NBPF3: variants seen among roughly 807,000 people sequenced by gnomAD.
NBPF3 encodes the protein NBPF family member NBPF3.
NBPF3 carries 57 observed loss-of-function variants against 78.1 expected under a neutral mutation model. The observed-to-expected ratio is 0.73, with a 90% confidence interval of 0.59 to 0.91. The LOEUF is 0.91. Among genes scored for constraint, NBPF3 ranks in the 40% least tolerant of loss-of-function variants. The pLI is 0.00. For synonymous variants in NBPF3, 182 were observed against 271.7 expected, an observed-to-expected ratio of 0.67 and a Z score of 3.25; for missense variants, 510 against 715.3, an observed-to-expected ratio of 0.71 and a Z score of 3.27.
chr1:21,451,913 C>T, intron 2 of NBPF3: 1 of 944,636 alleles, frequency 1.1e-6, no homozygotes, highest in Non-Finnish European at 1.3e-6. Flanking sequence ...GATCAAGGTG[C>T]ATACTCAAAC....
chr1:21,439,841 T>C (rs1442242967), upstream of NBPF3, among the ~76,000 whole-genome samples: 4 of 152,272 alleles, frequency 2.6e-5, no homozygotes, highest in East Asian at 3.9e-4. Flanking sequence ...TTCTTTAACC[T>C]GGCAGGGGCG....
rs182965146 is a variant in NBPF3 at position 21,446,902 on chromosome 1, T to C, written c.133+1683T>C. Among the ~76,000 whole-genome samples, 11 of 152,278 alleles carry C rather than the reference T, an allele frequency of 7.2e-5. No individual in the cohort carries two copies. The East Asian group carries it at 2.1e-3, about 29-fold the overall frequency. On this transcript the variant is annotated intron_variant, in intron 2 of 14. Coordinates refer to ENST00000318249, the MANE Select transcript of NBPF3 (RefSeq NM_032264.6). Reference sequence around the variant, plus strand: ...CAGAAACCTGCACTGTCTAGATTGCTGAGGCTGCTTCTCCTTAACCGATCT... The same window carrying C: ...CAGAAACCTGCACTGTCTAGATTGCCGAGGCTGCTTCTCCTTAACCGATCT...
chr1:21,446,586 CCCTT>C (rs1382259950), intron 2 of NBPF3: 1 of 143,504 alleles, frequency 7.0e-6, no homozygotes, highest in Admixed American at 7.0e-5. Context: ...CTCCCTCCCT[CCCTT>C]CTTTCCTTTC....
intron 13 of NBPF3, among the ~76,000 whole-genome samples, chr1:21,482,180 T>A (rs564123160): frequency 6.6e-6 from 1 of 150,516 alleles, no homozygotes; most frequent in Non-Finnish European, 1.5e-5. Flanking sequence ...CTCCTAGAAA[T>A]CGTTTGAGGG....
At chr1:21,448,494 G>A (rs999438725) in intron 2 of NBPF3, among the ~76,000 whole-genome samples, 5 of 152,088 alleles carry the variant, frequency 3.3e-5, no homozygotes, top group Admixed American at 2.6e-4. Context: ...CTATTTGTGT[G>A]TGTTTTCTCT....
At chr1:21,466,170 C>T in intron 2 of NBPF3, 1 of 980,014 alleles carries the variant, frequency 1.0e-6, no homozygotes, top group Non-Finnish European at 1.2e-6. Context: ...AGTGCAGGGG[C>T]AAGTCCAGGT....
At chr1:21,459,074 T>C (rs1198752915) in intron 2 of NBPF3, among the ~76,000 whole-genome samples, 3 of 152,150 alleles carry the variant, frequency 2.0e-5, no homozygotes, top group Admixed American at 6.5e-5. Context: ...AAGCAATTGG[T>C]GAGAAAAATT....
intron 5 of NBPF3, 100 bp downstream of exon 5, chr1:21,471,883 T>C: frequency 6.7e-7 from 1 of 1,501,666 alleles, no homozygotes; most frequent in Non-Finnish European, 9.2e-7. Context: ...TGGTGTTTTT[T>C]CCCACTAAAC....
At chr1:21,466,429 A>C (rs551269748) in intron 2 of NBPF3, among the ~76,000 whole-genome samples, 63 of 152,422 alleles carry the variant, frequency 4.1e-4, no homozygotes, top group African/African-American at 1.4e-3. Context: ...AATCTTCTCC[A>C]TAAAATGCAC....
At chr1:21,447,370 G>A (rs1203855525) in intron 2 of NBPF3, among the ~76,000 whole-genome samples, 1 of 152,130 alleles carries the variant, frequency 6.6e-6, no homozygotes, top group Non-Finnish European at 1.5e-5. Flanking sequence ...AGCGTCATGC[G>A]AAATAGTTTC....
chr1:21,461,784 A>G (rs1641964311), intron 2 of NBPF3, among the ~76,000 whole-genome samples: 1 of 152,216 alleles, frequency 6.6e-6, no homozygotes, highest in Non-Finnish European at 1.5e-5. Context: ...ATGTTTATGA[A>G]GCACATGATC....
chr1:21,451,433 A>G (rs1320190953), intron 2 of NBPF3, among the ~76,000 whole-genome samples: 1 of 152,254 alleles, frequency 6.6e-6, no homozygotes, highest in Non-Finnish European at 1.5e-5. Context: ...TGTACATTCC[A>G]TGCATTAATG....
Position 21,476,042 on chromosome 1 carries a change from C to A in NBPF3, c.992+1091C>A, listed in dbSNP as rs1044074108. 2.6e-5 allele frequency among the ~76,000 whole-genome samples: 4 copies of A among 152,072 alleles called. No individual in the cohort carries two copies. The highest frequency in any genetic ancestry group is 5.9e-5 in the Non-Finnish European group (4 of 68,012). On this transcript the variant is annotated intron_variant, in intron 8 of 14. Transcript: ENST00000318249. This position sits in a 1 kb window ranked among gnomAD's most constrained non-coding sequence, Gnocchi z 4.1. ...AATTATGTAATGGCCTTCTTTGTCT[C>A]TTTTGATCTTTCTTGGTTTAAAGTC... is the stretch of plus-strand genomic sequence containing the variant.
At chr1:21,455,551 G>A (rs548530492) in intron 2 of NBPF3, among the ~76,000 whole-genome samples, 1 of 152,280 alleles carries the variant, frequency 6.6e-6, no homozygotes, top group South Asian at 2.1e-4. Flanking sequence ...AAACTTAAGG[G>A]GGAAGCCCCA....
chr1:21,451,696 G>A (rs546401473), intron 2 of NBPF3: 8 of 175,460 alleles, frequency 4.6e-5, no homozygotes, highest in Admixed American at 3.1e-4. Flanking sequence ...TGGGGTCATG[G>A]TGAGAAAGTG....
In NBPF3 at chr1:21,478,257, C is replaced by G; in HGVS notation, c.1106C>G (p.Thr369Ser). The G allele has an allele frequency of 1.9e-6, 3 of 1,614,170 alleles. No homozygotes were observed. Among genetic ancestry groups the G allele is most frequent in the Non-Finnish European group, 2.5e-6 (3 of 1,180,034 alleles). Reference sequence around the variant, plus strand: ...GCCTCATACCAGTCTGACAGGAGCACCTTTCACTCAGTAGAGGAACAGCAA... The same window carrying G: ...GCCTCATACCAGTCTGACAGGAGCAGCTTTCACTCAGTAGAGGAACAGCAA... The part of the protein sequence containing the change: ...MSASYQSDRS[T>S]FHSVEEQQVG... The change falls in exon 9 of 15, where the codon ACC becomes AGC. Residue 369 changes from threonine (T) to serine (S), a missense_variant. By Grantham distance (58) the Thr-to-Ser change is moderately conservative (BLOSUM62 1). Around this residue, in one of 5 missense-constraint regions of NBPF3, gnomAD observed 440 missense variants for 478.2 expected, o/e 0.92. Transcript: ENST00000318249.
In NBPF3 at chr1:21,461,150, G is replaced by C. The variant is rs147900873; in HGVS notation, c.134-7538G>C. Among the ~76,000 whole-genome samples, 448 of 152,260 alleles carry C rather than the reference G, an allele frequency of 2.9e-3. 4 individuals are homozygous for C. The highest frequency in any genetic ancestry group is 0.01 in the African/African-American group (431 of 41,552). On this transcript the variant is annotated intron_variant, in intron 2 of 14. Transcript: ENST00000318249. Reference sequence around the variant, plus strand: ...TCATAGAAATGTAAAATAATACAATGACTTTGCAAAGCTCTGTGTCCATTT... The same window carrying C: ...TCATAGAAATGTAAAATAATACAATCACTTTGCAAAGCTCTGTGTCCATTT...
intron 9 of NBPF3, among the ~76,000 whole-genome samples, 195 bp downstream of exon 9, chr1:21,478,502 C>G (rs545387970): frequency 2.0e-5 from 3 of 152,364 alleles, no homozygotes; most frequent in Admixed American, 6.5e-5. Context: ...GAGCTTTGCT[C>G]TCTTCCTAGT....
At chr1:21,445,811 G>A (rs2147899886) in intron 2 of NBPF3, among the ~76,000 whole-genome samples, 1 of 152,266 alleles carries the variant, frequency 6.6e-6, no homozygotes, top group South Asian at 2.1e-4. Context: ...TAGAATTTAT[G>A]GGCCACAGTG....
Sources: allele counts gnomAD v4.1 joint callset (sites outside exome capture counted in the v4.1 genomes callset), GRCh38; gene constraint gnomAD v4.1.1; regional missense constraint gnomAD v4.1.1; non-coding constraint Gnocchi (gnomAD v3.1); transcripts MANE v1.5; gene names NCBI Gene and HGNC (gene_info 2026-07-23, HGNC 2026-07-21).